Variants in DNASE1 observed in about 807,000 individuals in gnomAD.
DNASE1 encodes the protein deoxyribonuclease 1.
DNASE1 carries 40 observed loss-of-function variants against 33.9 expected under a neutral mutation model. The ratio of observed to expected loss-of-function variants is 1.18; its 90% CI spans 0.92 to 1.54. The LOEUF (loss-of-function observed/expected upper bound fraction) is 1.54. DNASE1 is among the 40% of genes most tolerant of loss of function. The pLI is 0.00. For missense variants in DNASE1, 518 were observed against 372.6 expected (o/e 1.39, Z -3.21); for synonymous variants, 216 against 160.0 (o/e 1.35, Z -2.64).
chr16:3,639,182 G>C (rs2041960888), upstream of DNASE1, among the ~76,000 whole-genome samples: 2 of 152,182 alleles, frequency 1.3e-5, no homozygotes. Flanking sequence ...ATTGCCACTT[G>C]TGATACTGGA....
chr16:3,630,409 C>G (rs2041661242), intron 1 of DNASE1, among the ~76,000 whole-genome samples: 2 of 151,502 alleles, frequency 1.3e-5, no homozygotes, highest in African/African-American at 2.4e-5. Flanking sequence ...CCTTGAACTC[C>G]AAAGCTCAGA....
At chr16:3,618,927 A>G (rs2041204297) in intron 1 of DNASE1, among the ~76,000 whole-genome samples, 1 of 151,836 alleles carries the variant, frequency 6.6e-6, no homozygotes, top group Admixed American at 6.6e-5. Flanking sequence ...CACAATCATG[A>G]CTCATGGCAG....
rs1180857685 is a variant in DNASE1 at position 3,625,223 on chromosome 16, T to C, written c.-1359+13217T>C. 2.6e-5 allele frequency among the ~76,000 whole-genome samples: 4 copies of C among 152,256 alleles called. No homozygotes were observed. In the East Asian group the frequency reaches 7.7e-4, roughly 29 times the overall value. On this transcript the variant is annotated intron_variant and NMD_transcript_variant, in intron 1 of 11. Coordinates refer to the DNASE1 transcript ENST00000570769. ...TGGGAGGCTGAGGCAGGAGAATTGC[T>C]TGAGCCCTGGAGGCAGGGGTTACAG... is the stretch of plus-strand genomic sequence containing the variant.
chr16:3,657,912 G>A lies in DNASE1; in HGVS notation c.808G>A (p.Ala270Thr). The A allele has an allele frequency of 6.2e-7, 1 of 1,614,010 alleles. No homozygotes were observed. Among genetic ancestry groups the A allele is most frequent in the Non-Finnish European group, 8.5e-7 (1 of 1,180,016 alleles). The change falls in exon 9 of 9, where the codon GCC becomes ACC. Residue 270 changes from alanine (A) to threonine (T), a missense_variant. By Grantham distance (58) the Ala-to-Thr change is moderately conservative. Transcript: ENST00000246949. ...AYGLSDQLAQ[A>T]ISDHYPVEVM... is the part of the protein sequence containing the mutation. ...TGTGCCCACTTGCCTGCAGGCCCAAGCCATCAGTGACCACTATCCAGTGGA... is the reference window on the plus strand; with the variant it reads ...TGTGCCCACTTGCCTGCAGGCCCAAACCATCAGTGACCACTATCCAGTGGA...
chr16:3,644,958 A>G (rs1297025363), intron 1 of DNASE1, among the ~76,000 whole-genome samples: 1 of 151,778 alleles, frequency 6.6e-6, no homozygotes, highest in Non-Finnish European at 1.5e-5. Flanking sequence ...GCAAAACTCC[A>G]TCTCTACAAA....
At chr16:3,661,745 G>A (rs369726045), downstream of DNASE1, 57 of 418,486 alleles carry the variant, frequency 1.4e-4, 2 homozygotes, top group South Asian at 3.5e-3. Flanking sequence ...AAAGCAAAAC[G>A]AGGACATGGT....
At chr16:3,647,068 C>T (rs2042194695) in intron 1 of DNASE1, among the ~76,000 whole-genome samples, 1 of 152,124 alleles carries the variant, frequency 6.6e-6, no homozygotes, top group Non-Finnish European at 1.5e-5. Flanking sequence ...CTTCAGAGGA[C>T]AGCAGGGGAG....
chr16:3,626,430 T>C (rs2041513044), intron 1 of DNASE1, among the ~76,000 whole-genome samples: 1 of 152,232 alleles, frequency 6.6e-6, no homozygotes, highest in South Asian at 2.1e-4. Context: ...ATCAAGTGTT[T>C]GGAGAGTTCC....
At chr16:3,664,198 C>T (rs978707091) in exon 10 of DNASE1, 2 of 1,424,612 alleles carry the variant, frequency 1.4e-6, no homozygotes, top group South Asian at 3.0e-5. Flanking sequence ...CAGGTTCACC[C>T]AGCACAGAGC....
chr16:3,634,847 T>C (rs2041820337), intron 1 of DNASE1, among the ~76,000 whole-genome samples: 1 of 151,782 alleles, frequency 6.6e-6, no homozygotes, highest in South Asian at 2.1e-4. Context: ...GTCAGAGTGT[T>C]ACTATGTGGC....
In DNASE1 at chr16:3,635,457, CAAA is replaced by C. The variant is rs753495578; in HGVS notation, c.-1358-5237_-1358-5235del. On this transcript the variant is annotated intron_variant and NMD_transcript_variant, in intron 1 of 11. Transcript: ENST00000570769. ...TGGGTGACAGAGCCAGACTCTGTCTCAAAAAAAAAAAAAAAAAAAAAAAGTAAG... is the reference window on the plus strand; with the variant it reads ...TGGGTGACAGAGCCAGACTCTGTCTCAAAAAAAAAAAAAAAAAAAAGTAAG... 6.3e-3 allele frequency among the ~76,000 whole-genome samples: 374 copies of C among 59,670 alleles called. 2 individuals carry two copies. The highest frequency in any genetic ancestry group is 0.022 in the African/African-American group (343 of 15,380). The allele number at this position is 59,670 out of a possible 152,430, so 39.1% of individuals were successfully genotyped here.
At chr16:3,629,699 C>G (rs538382527) in intron 1 of DNASE1, among the ~76,000 whole-genome samples, 35 of 152,228 alleles carry the variant, frequency 2.3e-4, no homozygotes, top group Admixed American at 9.2e-4. Flanking sequence ...ATCAGTGAAG[C>G]CTTCAGGTCC....
At chr16:3,647,419 G>A (rs944934982) in intron 1 of DNASE1, among the ~76,000 whole-genome samples, 2 of 151,982 alleles carry the variant, frequency 1.3e-5, no homozygotes, top group African/African-American at 4.8e-5. Context: ...GACTACAGAT[G>A]TGTGCCTCCA....
At chr16:3,654,516 C>T (rs538105930), upstream of DNASE1, 2 of 398,542 alleles carry the variant, frequency 5.0e-6, no homozygotes, top group Non-Finnish European at 8.8e-6. Context: ...ACCTTGGGGC[C>T]CCCAGACAAG....
intron 1 of DNASE1, among the ~76,000 whole-genome samples, chr16:3,633,790 TCAAAA>T (rs2041778573): frequency 6.6e-6 from 1 of 152,080 alleles, no homozygotes; most frequent in Non-Finnish European, 1.5e-5. Flanking sequence ...TTTCACTTAT[TCAAAA>T]GCGAAATTAT....
At chr16:3,627,475 C>T (rs748123552) in intron 1 of DNASE1, among the ~76,000 whole-genome samples, 3 of 151,982 alleles carry the variant, frequency 2.0e-5, no homozygotes, top group Non-Finnish European at 2.9e-5. Flanking sequence ...CAAGGCCTCA[C>T]TATGTTGCTC....
chr16:3,613,194 G>T (rs368423994), intron 1 of DNASE1, among the ~76,000 whole-genome samples: 13 of 152,226 alleles, frequency 8.5e-5, no homozygotes, highest in African/African-American at 2.9e-4. Context: ...CTGTGGTTTT[G>T]CGTATTCAGT....
At chr16:3,647,158 T>C (rs117598941) in intron 1 of DNASE1, among the ~76,000 whole-genome samples, 3,013 of 152,328 alleles carry the variant, frequency 0.02, 44 homozygotes, top group Middle Eastern at 0.044. Context: ...TGGTTTCATT[T>C]TTAACATTAA....
intron 1 of DNASE1, among the ~76,000 whole-genome samples, chr16:3,633,692 C>G (rs1326934742): frequency 1.3e-5 from 2 of 152,180 alleles, no homozygotes; most frequent in African/African-American, 2.4e-5. Flanking sequence ...TCACCTGATG[C>G]TATACCACTT....
Sources: gnomAD v4.1 joint callset for allele counts (sites outside exome capture counted in the v4.1 genomes callset) on GRCh38, gnomAD v4.1.1 for gene constraint, MANE v1.5 for transcripts, NCBI Gene and HGNC (gene_info 2026-07-23, HGNC 2026-07-21) for gene names.